NEBL: variants seen among roughly 807,000 people sequenced by gnomAD.
NEBL encodes LIM and SH3 protein 2.
Under a neutral mutation model 140.2 loss-of-function variants are expected in NEBL, and 122 were observed. The ratio of observed to expected loss-of-function variants is 0.87; its 90% CI spans 0.75 to 1.01. NEBL has a LOEUF of 1.01. NEBL is among the 50% of genes least tolerant of loss of function. The pLI is 0.00. For synonymous variants in NEBL, 436 were observed against 398.9 expected (o/e 1.09, Z -1.11); for missense variants, 1,365 against 1,231.3 (o/e 1.11, Z -1.62).
In NEBL at chr10:21,173,804, T is replaced by C. The variant is rs1841193795; in HGVS notation, c.30A>G (p.Lys10=). 1.9e-6 allele frequency: 3 copies of C among 1,611,770 alleles called. No individual in the cohort carries two copies. The highest frequency in any genetic ancestry group is 1.7e-6 in the Non-Finnish European group (2 of 1,179,478). ...TGACTTTCTCGGTGGGATACACGAC[T>C]TTTCCGCAACGGGCGCACTGGGGGT... is the stretch of plus-strand genomic sequence containing the variant. The change falls in exon 1 of 7, where the codon AAA becomes AAG. Residue 10 remains lysine, a synonymous_variant. Transcript: ENST00000417816. This position sits in a 1 kb window ranked among gnomAD's most constrained non-coding sequence, Gnocchi z 5.7.
intron 26 of NEBL, among the ~76,000 whole-genome samples, chr10:20,788,231 T>C (rs774186897): frequency 2.6e-4 from 40 of 152,186 alleles, no homozygotes; most frequent in Non-Finnish European, 5.4e-4. Flanking sequence ...GGTATTTTCG[T>C]AGCGTGCCCT....
At chr10:21,079,453 C>G (rs1030373109) in intron 2 of NEBL, among the ~76,000 whole-genome samples, 2 of 152,226 alleles carry the variant, frequency 1.3e-5, no homozygotes, top group African/African-American at 4.8e-5. Flanking sequence ...GCTCACAGGG[C>G]TTAAGTAACT....
intron 3 of NEBL, among the ~76,000 whole-genome samples, chr10:21,237,492 A>G (rs866221570): frequency 2.6e-5 from 4 of 152,222 alleles, no homozygotes; most frequent in Middle Eastern, 3.4e-3. Flanking sequence ...GGCATGAGCC[A>G]CTGCGCCCTG....
Position 21,188,574 on chromosome 10 carries a change from A to G in NEBL, n.349-16097T>C, listed in dbSNP as rs962749692. On this transcript the variant is annotated intron_variant and non_coding_transcript_variant, in intron 3 of 8. Coordinates refer to the NEBL transcript ENST00000675702. ...GAACATGCAAAAATGAAATTTAAAC[A>G]TGCAATTGGATATATAGTAAAATCT... Among the ~76,000 whole-genome samples, 8 of 151,486 alleles carry G rather than the reference A, an allele frequency of 5.3e-5. No homozygotes were observed. The East Asian group carries it at 1.5e-3, about 29-fold the overall frequency.
At chr10:21,082,194 T>C (rs1836397745) in intron 2 of NEBL, among the ~76,000 whole-genome samples, 1 of 152,154 alleles carries the variant, frequency 6.6e-6, no homozygotes, top group Non-Finnish European at 1.5e-5. Flanking sequence ...AAGGAACTCT[T>C]GCAGGTTAGT....
intron 2 of NEBL, among the ~76,000 whole-genome samples, chr10:21,047,530 CT>C (rs1193288278): frequency 2.0e-5 from 3 of 150,424 alleles, no homozygotes; most frequent in East Asian, 1.9e-4. Context: ...CCAAATGAAG[CT>C]TTTTTTAAAA....
chr10:21,067,535 AC>A (rs1377503559), intron 2 of NEBL, among the ~76,000 whole-genome samples: 1 of 152,218 alleles, frequency 6.6e-6, no homozygotes, highest in Non-Finnish European at 1.5e-5. Context: ...ATGCCAAAAA[AC>A]AAATTAGACT....
chr10:21,183,764 C>A (rs541414548), intron 3 of NEBL, among the ~76,000 whole-genome samples: 1 of 152,068 alleles, frequency 6.6e-6, no homozygotes, highest in Non-Finnish European at 1.5e-5. Context: ...TTGGCTGTGT[C>A]GCCACCCAAA....
intron 26 of NEBL, among the ~76,000 whole-genome samples, chr10:20,791,469 T>C (rs1202208376): frequency 6.6e-6 from 1 of 152,174 alleles, no homozygotes; most frequent in African/African-American, 2.4e-5. Flanking sequence ...AGTGATGTGA[T>C]CACAGCTCAC....
At chr10:21,255,302 G>A (rs7090954) in intron 1 of NEBL, among the ~76,000 whole-genome samples, 32,261 of 151,808 alleles carry the variant, frequency 0.21, 3,983 homozygotes, top group African/African-American at 0.33. Flanking sequence ...GAAAAGACCC[G>A]TGGAGGAACC....
intron 3 of NEBL, among the ~76,000 whole-genome samples, chr10:20,964,884 C>G (rs931467316): frequency 6.6e-6 from 1 of 152,178 alleles, no homozygotes; most frequent in Non-Finnish European, 1.5e-5. Flanking sequence ...TTGCCCGTTA[C>G]GTGAGCTAAT....
At chr10:20,994,768 A>C (rs1837599575) in intron 3 of NEBL, among the ~76,000 whole-genome samples, 1 of 152,220 alleles carries the variant, frequency 6.6e-6, no homozygotes, top group Non-Finnish European at 1.5e-5. Flanking sequence ...AAATGTTATT[A>C]AGGAAATCAT....
chr10:21,043,859 T>C (rs920146290), intron 2 of NEBL, among the ~76,000 whole-genome samples: 3 of 152,180 alleles, frequency 2.0e-5, no homozygotes, highest in African/African-American at 7.2e-5. Flanking sequence ...TATTATCTAT[T>C]ATAAAATTTA....
chr10:20,916,367 T>C (rs1419529166), intron 4 of NEBL, among the ~76,000 whole-genome samples: 1 of 152,226 alleles, frequency 6.6e-6, no homozygotes, highest in Non-Finnish European at 1.5e-5. Context: ...ATTTCTTAGA[T>C]AGCTCTGAAG....
intron 3 of NEBL, among the ~76,000 whole-genome samples, chr10:21,241,497 C>T (rs1842439910): frequency 6.6e-6 from 1 of 152,156 alleles, no homozygotes; most frequent in African/African-American, 2.4e-5. Flanking sequence ...GAAGTCAACT[C>T]AGCAGTAACA....
intron 3 of NEBL, among the ~76,000 whole-genome samples, chr10:20,977,847 T>C (rs1836866957): frequency 6.6e-6 from 1 of 152,186 alleles, no homozygotes; most frequent in South Asian, 2.1e-4. Context: ...AGTCTTGCAA[T>C]GCAAGGAATA....
chr10:21,039,265 A>G (rs901588757), intron 2 of NEBL, among the ~76,000 whole-genome samples: 1 of 151,972 alleles, frequency 6.6e-6, no homozygotes, highest in African/African-American at 2.4e-5. Flanking sequence ...TTTTGTTGCC[A>G]TTGCTTTTGG....
chr10:21,135,973 GGATT>G (rs1839338345), intron 2 of NEBL, among the ~76,000 whole-genome samples: 1 of 152,196 alleles, frequency 6.6e-6, no homozygotes, highest in Non-Finnish European at 1.5e-5. Context: ...AGCTTTGCCT[GGATT>G]GATTAAGCAC....
intron 2 of NEBL, among the ~76,000 whole-genome samples, chr10:21,165,079 G>A (rs190136656): frequency 1.3e-5 from 2 of 152,284 alleles, no homozygotes; most frequent in Admixed American, 1.3e-4. Context: ...ACTATTATAA[G>A]TAAAAGAGTG....
Sources: allele counts gnomAD v4.1 joint callset (sites outside exome capture counted in the v4.1 genomes callset), GRCh38; gene constraint gnomAD v4.1.1; non-coding constraint Gnocchi (gnomAD v3.1); transcripts MANE v1.5; gene names NCBI Gene and HGNC (gene_info 2026-07-23, HGNC 2026-07-21).